C2CD3: variants seen among roughly 807,000 people sequenced by gnomAD.
The protein encoded by C2CD3 is C2 domain containing 3 centriole elongation regulator.
A neutral mutation model predicts 234.0 loss-of-function variants in C2CD3; 148 were observed. The ratio of observed to expected loss-of-function variants is 0.63; its 90% CI spans 0.55 to 0.72. C2CD3 has a LOEUF of 0.72. C2CD3 is among the 30% of genes least tolerant of loss of function. The pLI, the probability that C2CD3 is intolerant of heterozygous loss-of-function variation, is 0.00. For synonymous variants in C2CD3, 1,000 were observed against 1,035.4 expected, an observed-to-expected ratio of 0.97 and a Z score of 0.66; for missense variants, 2,577 against 2,811.5, an observed-to-expected ratio of 0.92 and a Z score of 1.89.
intron 32 of C2CD3, among the ~76,000 whole-genome samples, chr11:74,021,852 G>A (rs918491866): frequency 2.6e-5 from 4 of 152,198 alleles, no homozygotes; most frequent in South Asian, 4.1e-4. Flanking sequence ...GGGGCTGGGC[G>A]CAGTGGCTTA....
In C2CD3 at chr11:74,033,461, G is replaced by C; in HGVS notation, c.6699C>G (p.Ala2233=). ...DSFKKLPLNL[A]SQSRRENHKG... The stretch of plus-strand genomic sequence containing the variant: ...TATGGTTTTCCCTTCTGCTCTGGGA[G>C]GCTAGATTTAGCGGCAACTTCTTGA... Residue 2233 remains alanine (A), a synonymous_variant, in exon 31 of 33, where the codon GCC becomes GCG. Transcript: ENST00000334126. 1 of 1,536,208 alleles carries C rather than the reference G, an allele frequency of 6.5e-7. No homozygotes were observed. Among genetic ancestry groups the C allele is most frequent in the Non-Finnish European group, 8.7e-7 (1 of 1,146,924 alleles).
At position 74,054,589 on chromosome 11, in the gene C2CD3, T is replaced by C. The variant is rs182277297; in HGVS notation, c.5155+18A>G. The C allele has an allele frequency of 2.9e-5, 44 of 1,494,136 alleles. No homozygotes were observed. In the African/African-American group the frequency reaches 4.9e-4, roughly 17 times the overall value. 92.6% of individuals were successfully genotyped at this position (1,494,136 alleles called of 1,614,324 possible). A position where few individuals can be genotyped will look rare whatever the true frequency, so the allele number is the denominator to read the frequency against. ...TATTTTTACAAGCAAGCAGATATTC[T>C]TTTAACAGAGTTCATACCTCCTTTA... On this transcript the variant is annotated intron_variant, in intron 26 of 32. Transcript: ENST00000334126.
chr11:74,021,660 ATAATTGAC>A (rs1022554851), intron 32 of C2CD3, among the ~76,000 whole-genome samples: 49 of 152,336 alleles, frequency 3.2e-4, no homozygotes, highest in African/African-American at 1.1e-3. Context: ...CTGAGATTTG[ATAATTGAC>A]TTAGGAATAT....
chr11:74,112,298 C>T (rs1473403410), intron 11 of C2CD3, among the ~76,000 whole-genome samples: 2 of 151,918 alleles, frequency 1.3e-5, no homozygotes, highest in African/African-American at 4.8e-5. Context: ...CAAAGCTATC[C>T]TCAGAATATA....
intron 22 of C2CD3, among the ~76,000 whole-genome samples, chr11:74,080,845 G>A (rs1476739485): frequency 6.6e-6 from 1 of 152,092 alleles, no homozygotes; most frequent in Non-Finnish European, 1.5e-5. Context: ...ATAATCTAGT[G>A]AAATAGATCT....
chr11:74,066,278 A>G (rs1385634886), intron 24 of C2CD3, among the ~76,000 whole-genome samples: 92 of 2,042 alleles, frequency 0.045, no homozygotes, highest in Non-Finnish European at 0.087. Context: ...GGGGGGAGGG[A>G]TAGTGTTAGG....
At chr11:74,111,364 A>T in intron 11 of C2CD3, among the ~76,000 whole-genome samples, 1 of 152,176 alleles carries the variant, frequency 6.6e-6, no homozygotes, top group East Asian at 1.9e-4. Flanking sequence ...AGTGGAAAAT[A>T]CCATACCCTA....
At chr11:74,014,519 G>GGCCCAGCGAGAGTTGC (rs374387615) in intron 32 of C2CD3, among the ~76,000 whole-genome samples, 16 of 152,106 alleles carry the variant, frequency 1.1e-4, no homozygotes, top group South Asian at 6.2e-4. Flanking sequence ...GAGAAACTGA[G>GGCCCAGCGAGAGTTGC]GCCCAGCGAG....
chr11:74,152,563 C>T (rs1394319297), intron 3 of C2CD3, among the ~76,000 whole-genome samples: 1 of 152,138 alleles, frequency 6.6e-6, no homozygotes, highest in Non-Finnish European at 1.5e-5. Context: ...AAATCAAAGA[C>T]AATGCAACAA....
intron 23 of C2CD3, among the ~76,000 whole-genome samples, chr11:74,076,944 A>G (rs901794990): frequency 2.6e-5 from 4 of 152,146 alleles, no homozygotes; most frequent in African/African-American, 7.2e-5. Flanking sequence ...GTATTCTCCT[A>G]TTAGACTGTA....
intron 25 of C2CD3, among the ~76,000 whole-genome samples, chr11:74,056,992 C>T (rs1953984222): frequency 6.6e-6 from 1 of 151,650 alleles, no homozygotes; most frequent in Non-Finnish European, 1.5e-5. Context: ...ACCTGGGCTC[C>T]ACCATCCTCC....
chr11:74,029,509 G>A (rs1373298306), intron 31 of C2CD3, among the ~76,000 whole-genome samples: 1 of 152,256 alleles, frequency 6.6e-6, no homozygotes, highest in African/African-American at 2.4e-5. Context: ...GGGGAGGAAT[G>A]GAGATCCCGA....
Position 74,085,896 on chromosome 11 carries a change from A to T in C2CD3, c.3642-10T>A. Reference sequence around the variant, plus strand: ...CCGTTCAGCCAAAGCCCTGTAGAGGAGAAGGGTGGAAATGAGAAGATACCA... The same window carrying T: ...CCGTTCAGCCAAAGCCCTGTAGAGGTGAAGGGTGGAAATGAGAAGATACCA... On this transcript the variant is annotated splice_polypyrimidine_tract_variant and intron_variant, in intron 20 of 32. Transcript: ENST00000334126. 1 of 1,601,006 alleles carries T rather than the reference A, an allele frequency of 6.2e-7. No individual in the cohort carries two copies. Among genetic ancestry groups the T allele is most frequent in the Non-Finnish European group, 8.5e-7 (1 of 1,171,260 alleles).
intron 2 of C2CD3, among the ~76,000 whole-genome samples, chr11:74,166,399 T>C (rs1048805534): frequency 1.3e-5 from 2 of 152,062 alleles, no homozygotes; most frequent in Non-Finnish European, 2.9e-5. Flanking sequence ...CCTATTGAAA[T>C]TCTACCTTTT....
chr11:74,032,453 G>T (rs1952561103), intron 31 of C2CD3, among the ~76,000 whole-genome samples: 1 of 151,560 alleles, frequency 6.6e-6, no homozygotes, highest in Admixed American at 6.5e-5. Flanking sequence ...ATGCCAGTCT[G>T]TGTTTAAAAG....
At chr11:74,135,993 G>A (rs1473545635) in intron 5 of C2CD3, among the ~76,000 whole-genome samples, 1 of 152,014 alleles carries the variant, frequency 6.6e-6, no homozygotes, top group African/African-American at 2.4e-5. Flanking sequence ...GGGGGCAAGG[G>A]TTGAAAAACT....
At chr11:74,116,497 T>C (rs1956930682) in intron 9 of C2CD3, among the ~76,000 whole-genome samples, 1 of 149,764 alleles carries the variant, frequency 6.7e-6, no homozygotes, top group African/African-American at 2.5e-5. Flanking sequence ...GAGGATGTGG[T>C]GAAAAGGGAA....
intron 7 of C2CD3, among the ~76,000 whole-genome samples, chr11:74,126,418 T>C (rs1308680497): frequency 6.6e-6 from 1 of 152,208 alleles, no homozygotes; most frequent in Non-Finnish European, 1.5e-5. Context: ...TATTGAGATA[T>C]AATTCACATA....
chr11:74,073,343 T>C (rs1024932140), intron 24 of C2CD3, among the ~76,000 whole-genome samples: 1 of 152,114 alleles, frequency 6.6e-6, no homozygotes, highest in Non-Finnish European at 1.5e-5. Flanking sequence ...TCCCAGCACT[T>C]TGAGAGGCTG....
Sources: gnomAD v4.1 joint callset for allele counts (sites outside exome capture counted in the v4.1 genomes callset) on GRCh38, gnomAD v4.1.1 for gene constraint, MANE v1.5 for transcripts, NCBI Gene and HGNC (gene_info 2026-07-23, HGNC 2026-07-21) for gene names.